The following YIF1B variants were observed in gnomAD, a reference collection of about 807,000 sequenced individuals.
YIF1B encodes Yip1 interacting factor homolog B, membrane trafficking protein.
In YIF1B, 24 loss-of-function variants were observed where a neutral mutation model predicts 34.6. The observed-to-expected ratio is 0.69, with a 90% CI of 0.50 to 0.98. YIF1B has a LOEUF of 0.98. YIF1B is among the 50% of genes least tolerant of loss of function. The pLI is 0.00. For missense variants in YIF1B, 368 were observed against 429.4 expected (o/e 0.86, Z 1.26); for synonymous variants, 186 against 184.8 (o/e 1.01, Z -0.05).
At chr19:38,314,905 G>A (rs1600408241) in intron 1 of YIF1B, among the ~76,000 whole-genome samples, 1 of 151,952 alleles carries the variant, frequency 6.6e-6, no homozygotes, top group African/African-American at 2.4e-5. Flanking sequence ...AGGCCAGCAC[G>A]CCCAGCCTGC....
intron 5 of YIF1B, among the ~76,000 whole-genome samples, chr19:38,308,319 G>A (rs1181106742): frequency 6.6e-6 from 1 of 152,078 alleles, no homozygotes; most frequent in Non-Finnish European, 1.5e-5. Flanking sequence ...CCAGGAGACA[G>A]TGCCAGCCCT....
chr19:38,320,543 G>T (rs1372366024), upstream of YIF1B, among the ~76,000 whole-genome samples: 1 of 148,868 alleles, frequency 6.7e-6, no homozygotes, highest in Non-Finnish European at 1.5e-5. Context: ...CCCGTTCCTC[G>T]GTCTTTTTTT....
chr19:38,304,182 T>C lies in YIF1B; in HGVS notation c.*1170A>G. The C allele has an allele frequency of 6.4e-7, 1 of 1,556,084 alleles. No homozygotes were observed. The highest frequency in any genetic ancestry group is 8.8e-7 in the Non-Finnish European group (1 of 1,135,380). ...TCTCAGCATTCCTCCAACGGGCAGGTCTCAGCGCTCCTCCCCCTGCTCCGC... is the reference window on the plus strand; with the variant it reads ...TCTCAGCATTCCTCCAACGGGCAGGCCTCAGCGCTCCTCCCCCTGCTCCGC... On this transcript the variant is annotated 3_prime_UTR_variant, in exon 8 of 8. Transcript: ENST00000339413.
intron 7 of YIF1B, among the ~76,000 whole-genome samples, chr19:38,306,242 C>T (rs1052929652): frequency 3.3e-5 from 5 of 149,902 alleles, no homozygotes; most frequent in Non-Finnish European, 5.9e-5. Context: ...GTCAGGGTCT[C>T]ACCCTGTCCG....
chr19:38,317,532 G>A (rs779360741), upstream of YIF1B, among the ~76,000 whole-genome samples: 8 of 151,682 alleles, frequency 5.3e-5, no homozygotes, highest in Non-Finnish European at 8.8e-5. Flanking sequence ...TCTTGCTCTG[G>A]TTGCTCCAGA....
chr19:38,321,230 G>A (rs1366665247), upstream of YIF1B, among the ~76,000 whole-genome samples: 4 of 152,090 alleles, frequency 2.6e-5, no homozygotes, highest in Non-Finnish European at 4.4e-5. Context: ...ACCTGGCACC[G>A]CCATCTGGGA....
chr19:38,314,616 CTTTTTTTTTT>C (rs911022609), intron 1 of YIF1B, among the ~76,000 whole-genome samples: 1 of 82,324 alleles, frequency 1.2e-5, no homozygotes. Context: ...GGATCACCCT[CTTTTTTTTTT>C]TTTTTTTTTT....
chr19:38,309,464 T>C lies in YIF1B; in HGVS notation c.238A>G (p.Met80Val). Reference sequence around the variant, plus strand: ...AGGCTGCTCCCATAGGCCATGGCCATGTTGGACACCGGGTCAGCCAGGAAG... The same window carrying C: ...AGGCTGCTCCCATAGGCCATGGCCACGTTGGACACCGGGTCAGCCAGGAAG... The part of the protein sequence containing the change: ...AAFLADPVSN[M>V]AMAYGSSLAA... Residue 80 changes from methionine (M) to valine (V), a missense_variant, in exon 2 of 8, where the codon ATG (methionine) becomes GTG (valine). Met to Val is a conservative substitution (Grantham distance 21, BLOSUM62 1). This residue lies in a region of YIF1B where 153 missense variants were observed against 156.7 expected (regional missense o/e 0.98). Transcript: ENST00000339413. The C allele has an allele frequency of 6.2e-7, 1 of 1,614,016 alleles. No individual in the cohort carries two copies. Among genetic ancestry groups the C allele is most frequent in the Non-Finnish European group, 8.5e-7 (1 of 1,179,984 alleles).
upstream of YIF1B, chr19:38,316,021 G>C: frequency 7.5e-7 from 1 of 1,333,890 alleles, no homozygotes; most frequent in Non-Finnish European, 9.6e-7. Context: ...AGGATTGAGG[G>C]AAGGCCTCGC....
At chr19:38,308,642 C>T in intron 5 of YIF1B, 150 bp downstream of exon 5, 1 of 889,588 alleles carries the variant, frequency 1.1e-6, no homozygotes, top group Non-Finnish European at 1.8e-6. Flanking sequence ...GTGATGCTGA[C>T]AGTGACCCTG....
At position 38,304,291 on chromosome 19, in the gene YIF1B, C is replaced by T; in HGVS notation, c.*1061G>A. ...AGTTCGACCTGGGAGCAGGTGAGCT[C>T]CTGGGGAGTGTGGACTGGAGGTGCA... On this transcript the variant is annotated 3_prime_UTR_variant, in exon 8 of 8. Transcript: ENST00000339413. The T allele has an allele frequency of 6.2e-7, 1 of 1,613,726 alleles. No individual in the cohort carries two copies. The highest frequency in any genetic ancestry group is 8.5e-7 in the Non-Finnish European group (1 of 1,180,022).
chr19:38,310,541 A>G (rs1190103288), intron 1 of YIF1B, among the ~76,000 whole-genome samples: 1 of 152,028 alleles, frequency 6.6e-6, no homozygotes, highest in African/African-American at 2.4e-5. Flanking sequence ...CTTATCATCC[A>G]TCCATCCAGA....
intron 1 of YIF1B, 51 bp downstream of exon 1, chr19:38,315,809 G>A (rs779079764): frequency 5.3e-6 from 8 of 1,505,654 alleles, no homozygotes; most frequent in South Asian, 2.5e-5. Context: ...CAACCGACGC[G>A]GCCGCCCCGC....
intron 1 of YIF1B, among the ~76,000 whole-genome samples, chr19:38,314,215 G>A: frequency 7.4e-6 from 1 of 135,836 alleles, no homozygotes; most frequent in African/African-American, 2.8e-5. Flanking sequence ...TTTTTTTTGA[G>A]ATGGAGTCTC....
In YIF1B at chr19:38,315,887, C is replaced by G; in HGVS notation, c.31G>C (p.Ala11Pro). 1 of 1,486,518 alleles carries G rather than the reference C, an allele frequency of 6.7e-7. No individual in the cohort carries two copies. 92.1% of individuals were successfully genotyped at this position (1,486,518 alleles called of 1,614,324 possible). A position where few individuals can be genotyped will look rare whatever the true frequency, so the allele number is the denominator to read the frequency against. The change falls in exon 1 of 8, where the codon GCG (alanine) becomes CCG (proline). Residue 11 changes from alanine to proline, a missense_variant. Coordinates refer to ENST00000339413, the MANE Select transcript of YIF1B (RefSeq NM_001039672.3). ...CACTTACGCAGCCGGGGCGTCCCCG[C>G]AGCCGCCGCCGCCAAGCCTGCCGGG... Reference protein sequence around the residue: MHPAGLAAAAAGTPRLRKWPS... With the variant: MHPAGLAAAAPGTPRLRKWPS...
upstream of YIF1B, among the ~76,000 whole-genome samples, chr19:38,318,193 CAAAAAAAAAAAA>C (rs35748833): frequency 1.3e-4 from 4 of 29,874 alleles, no homozygotes; most frequent in Admixed American, 4.5e-4. Context: ...ACTCTTGTCT[CAAAAAAAAAAAA>C]AAAAAAAAAA....
upstream of YIF1B, chr19:38,320,091 G>T: frequency 6.5e-7 from 1 of 1,546,828 alleles, no homozygotes; most frequent in South Asian, 1.2e-5. Flanking sequence ...GGGCGCAGCT[G>T]CTTCAGCGCA....
upstream of YIF1B, among the ~76,000 whole-genome samples, chr19:38,318,170 G>A (rs1969603817): frequency 8.2e-6 from 1 of 121,936 alleles, no homozygotes. Flanking sequence ...TCCAGCCTGG[G>A]AGACAGAGCG....
At position 38,305,307 on chromosome 19, in the gene YIF1B, G is replaced by A. The variant is rs374047296; in HGVS notation, c.*45C>T. On this transcript the variant is annotated 3_prime_UTR_variant, in exon 8 of 8. Transcript: ENST00000339413. Reference sequence around the variant, plus strand: ...AGGAGATGAGTTCGGCGGCCACAGTGGCCCCCAGCAGCAGCAGCAGCAGCG... The same window carrying A: ...AGGAGATGAGTTCGGCGGCCACAGTAGCCCCCAGCAGCAGCAGCAGCAGCG... 1.8e-4 allele frequency: 285 copies of A among 1,581,400 alleles called. No homozygotes were observed. Among genetic ancestry groups the A allele is most frequent in the Non-Finnish European group, 2.3e-4 (270 of 1,161,832 alleles).
Sources: allele counts gnomAD v4.1 joint callset (sites outside exome capture counted in the v4.1 genomes callset), GRCh38; gene constraint gnomAD v4.1.1; regional missense constraint gnomAD v4.1.1; transcripts MANE v1.5; gene names NCBI Gene and HGNC (gene_info 2026-07-23, HGNC 2026-07-21).